PKNOX2: variants seen among roughly 807,000 people sequenced by gnomAD.
PKNOX2 encodes PBX/knotted 1 homeobox 2.
PKNOX2 carries 14 observed loss-of-function variants against 53.1 expected under a neutral mutation model. The ratio of observed to expected loss-of-function variants is 0.26; its 90% CI spans 0.17 to 0.41. The LOEUF is 0.41. Among genes scored for constraint, PKNOX2 ranks in the 10% least tolerant of loss-of-function variants. The probability of loss-of-function intolerance (pLI) is 1.00; values close to 1 mark genes in which losing one functional copy is unlikely to be tolerated. For missense variants in PKNOX2, 496 were observed against 602.8 expected (o/e 0.82, Z 1.85); for synonymous variants, 257 against 242.8 (o/e 1.06, Z -0.54).
chr11:125,204,355 C>G (rs1274398911), intron 1 of PKNOX2, among the ~76,000 whole-genome samples: 1 of 152,188 alleles, frequency 6.6e-6, no homozygotes, highest in Non-Finnish European at 1.5e-5. Context: ...TCTGATTCAG[C>G]AGGTCTGTGT....
chr11:125,368,301 C>T (rs542454000), intron 5 of PKNOX2, among the ~76,000 whole-genome samples: 1 of 152,322 alleles, frequency 6.6e-6, no homozygotes, highest in South Asian at 2.1e-4. Flanking sequence ...GGACCCTTTC[C>T]TCGCCCTGTG....
At chr11:125,197,285 C>G (rs941495201) in intron 1 of PKNOX2, among the ~76,000 whole-genome samples, 3 of 152,192 alleles carry the variant, frequency 2.0e-5, no homozygotes, top group African/African-American at 7.2e-5. Context: ...CTGTGACCCT[C>G]AGAGTCATTT....
At chr11:125,228,740 G>A (rs73617564) in intron 1 of PKNOX2, among the ~76,000 whole-genome samples, 3,973 of 152,202 alleles carry the variant, frequency 0.026, 167 homozygotes, top group African/African-American at 0.09. Flanking sequence ...TTAGAGTTTC[G>A]GAGCCAGGAT....
At chr11:125,290,353 T>C (rs1947231647) in intron 2 of PKNOX2, among the ~76,000 whole-genome samples, 1 of 152,230 alleles carries the variant, frequency 6.6e-6, no homozygotes, top group African/African-American at 2.4e-5. Flanking sequence ...TGGAGTGGCT[T>C]GAAGCACACT....
chr11:125,410,728 G>A (rs1429930440), intron 8 of PKNOX2, 51 bp from the exon 9 acceptor site: 10 of 1,409,512 alleles, frequency 7.1e-6, no homozygotes, highest in Non-Finnish European at 9.0e-6. Flanking sequence ...GCTTGCCCTC[G>A]CTCCTACCCA....
chr11:125,407,451 G>A (rs910596459), intron 7 of PKNOX2, among the ~76,000 whole-genome samples: 2 of 152,126 alleles, frequency 1.3e-5, no homozygotes, highest in Admixed American at 1.3e-4. Context: ...TTTTTTGGGG[G>A]TGAAGAAAGT....
intron 6 of PKNOX2, among the ~76,000 whole-genome samples, chr11:125,389,931 GA>G (rs933489829): frequency 2.0e-5 from 3 of 152,156 alleles, no homozygotes; most frequent in African/African-American, 7.2e-5. Flanking sequence ...GGCCCACTCT[GA>G]AGAGGCAGGG....
chr11:125,368,311 G>A (rs1219994608), intron 5 of PKNOX2, among the ~76,000 whole-genome samples: 2 of 152,158 alleles, frequency 1.3e-5, no homozygotes, highest in South Asian at 2.1e-4. Context: ...CTCGCCCTGT[G>A]TCCTGTTGTT....
At chr11:125,210,342 C>T (rs1363300219) in intron 1 of PKNOX2, among the ~76,000 whole-genome samples, 1 of 152,120 alleles carries the variant, frequency 6.6e-6, no homozygotes, top group Non-Finnish European at 1.5e-5. Context: ...GGGATGTCAT[C>T]TCGCCCTTTA....
chr11:125,279,944 A>C (rs925906047), intron 2 of PKNOX2, among the ~76,000 whole-genome samples: 1 of 152,152 alleles, frequency 6.6e-6, no homozygotes, highest in Admixed American at 6.5e-5. Flanking sequence ...TTTTAGGTAC[A>C]ACTCAAGGAG....
intron 2 of PKNOX2, among the ~76,000 whole-genome samples, chr11:125,324,252 A>G (rs1949703341): frequency 6.6e-6 from 1 of 152,160 alleles, no homozygotes; most frequent in African/African-American, 2.4e-5. Flanking sequence ...CAGTCGCTTA[A>G]CTTTCTAACC....
At chr11:125,363,752 T>G (rs969213359) in intron 4 of PKNOX2, among the ~76,000 whole-genome samples, 1 of 152,056 alleles carries the variant, frequency 6.6e-6, no homozygotes, top group Non-Finnish European at 1.5e-5. Context: ...AAGATGAGTT[T>G]CTTCCCATGC....
chr11:125,416,435 C>T (rs911288036), intron 10 of PKNOX2, among the ~76,000 whole-genome samples: 5 of 150,938 alleles, frequency 3.3e-5, no homozygotes, highest in Admixed American at 6.6e-5. Flanking sequence ...CTGATCCTAA[C>T]TATTCAGCAT....
chr11:125,310,723 C>G (rs897645788), intron 2 of PKNOX2, among the ~76,000 whole-genome samples: 2 of 151,980 alleles, frequency 1.3e-5, no homozygotes, highest in Non-Finnish European at 2.9e-5. Context: ...TTCCATACTC[C>G]AAGATATAAT....
intron 1 of PKNOX2, among the ~76,000 whole-genome samples, chr11:125,170,681 A>T (rs180863271): frequency 1.3e-5 from 2 of 152,224 alleles, no homozygotes; most frequent in Non-Finnish European, 2.9e-5. Flanking sequence ...GCTAAGACCT[A>T]TCTCACTAAA....
intron 4 of PKNOX2, among the ~76,000 whole-genome samples, chr11:125,367,487 T>C (rs1309367882): frequency 6.6e-6 from 1 of 152,190 alleles, no homozygotes; most frequent in African/African-American, 2.4e-5. Flanking sequence ...AAATCAACGC[T>C]ATGATGGGCC....
intron 3 of PKNOX2, among the ~76,000 whole-genome samples, chr11:125,338,895 C>G (rs1950547374): frequency 6.6e-6 from 1 of 152,212 alleles, no homozygotes. Flanking sequence ...AGGCAGGACT[C>G]TTTCTTTCCA....
intron 7 of PKNOX2, among the ~76,000 whole-genome samples, chr11:125,404,612 AACACACACATCACACACACACAAACAC>A (rs1373912824): frequency 4.4e-4 from 66 of 151,028 alleles, no homozygotes; most frequent in African/African-American, 1.4e-3. Context: ...CACACACACA[AACACACACATCACACACACACAAACAC>A]ACACACACCA....
rs553543811 is a variant in PKNOX2, at chr11:125,361,191, G to A, written c.88-6655G>A. On this transcript the variant is annotated intron_variant, in intron 4 of 12. Coordinates refer to ENST00000298282, the MANE Select transcript of PKNOX2 (RefSeq NM_001382323.2). ...TCTCTCTACCAGACACTGAGGCTAC[G>A]ACAGTAAACAGAAAAGCCCTGGTCC... Among the ~76,000 whole-genome samples the A allele has an allele frequency of 6.6e-5, 10 of 152,308 alleles. No homozygotes were observed. The East Asian group carries it at 7.7e-4, about 12-fold the overall frequency.
Sources: allele counts gnomAD v4.1 joint callset (sites outside exome capture counted in the v4.1 genomes callset), GRCh38; gene constraint gnomAD v4.1.1; transcripts MANE v1.5; gene names NCBI Gene and HGNC (gene_info 2026-07-23, HGNC 2026-07-21).